Variants in PEG3 observed in about 807,000 individuals in gnomAD.
PEG3 encodes paternally expressed 3, also known as paternally-expressed gene 3 protein.
PEG3 carries 23 observed loss-of-function variants against 35.5 expected under a neutral mutation model. That is an observed-to-expected ratio of 0.65 (90% CI 0.47 to 0.92). PEG3 has a LOEUF of 0.92. Among genes scored for constraint, PEG3 ranks in the 40% least tolerant of loss-of-function variants. The pLI, the probability that PEG3 is intolerant of heterozygous loss-of-function variation, is 0.00. For synonymous variants in PEG3, 707 were observed against 697.0 expected (o/e 1.01, Z -0.23); for missense variants, 1,960 against 1,985.3 (o/e 0.99, Z 0.24).
Position 56,820,698 on chromosome 19 carries a change from ACT to A in PEG3, c.669+951_669+952del, listed in dbSNP as rs541317734. Among the ~76,000 whole-genome samples, 264 of 152,324 alleles carry A rather than the reference ACT, an allele frequency of 1.7e-3. 1 individual carries two copies. The highest frequency in any genetic ancestry group is 2.9e-3 in the South Asian group (14 of 4,820). ...AGGCCCTTGTTACAATTTCTTGTTA[ACT>A]CTCTATTTTTCCTTGAGGACACTGA... On this transcript the variant is annotated intron_variant, in intron 7 of 9. Coordinates refer to ENST00000326441, the MANE Select transcript of PEG3 (RefSeq NM_006210.3).
rs754420101 is a variant in PEG3 at position 56,815,666 on chromosome 19, T to C, written c.2776A>G (p.Ser926Gly). 3 of 1,614,194 alleles carry C rather than the reference T, an allele frequency of 1.9e-6. No individual in the cohort carries two copies. The highest frequency in any genetic ancestry group is 2.2e-5 in the South Asian group (2 of 91,080). Residue 926 changes from serine to glycine, a missense_variant, in exon 10 of 10, where the codon AGC (serine) becomes GGC (glycine). By Grantham distance (56) the Ser-to-Gly change is moderately conservative (BLOSUM62 0). This residue lies in a region of PEG3 where 798 missense variants were observed against 782.4 expected (regional missense o/e 1.02). Transcript: ENST00000326441. The stretch of plus-strand genomic sequence containing the variant: ...TTCTGGTATTCACGGACATTTGAGC[T>C]GGGAACAGAGAATTCGCCATCCTTC... ...FKKDGEFSVP[S>G]SNVREYQKAR...
rs778895175 is a variant in PEG3, at chr19:56,815,225, T to C, written c.3217A>G (p.Thr1073Ala). The C allele has an allele frequency of 3.7e-5, 60 of 1,613,926 alleles. No homozygotes were observed. The highest frequency in any genetic ancestry group is 4.7e-5 in the Non-Finnish European group (56 of 1,179,938). Residue 1073 changes from threonine to alanine, a missense_variant, in exon 10 of 10, where the codon ACC (threonine) becomes GCC (alanine). Around this residue, in one of 5 missense-constraint regions of PEG3, gnomAD observed 798 missense variants for 782.4 expected, o/e 1.02. Transcript: ENST00000326441. ...SQGENTDGEE[T>A]HSEETHGQET... ...TGACCATGGGTCTCCTCGCTGTGGG[T>C]CTCCTCCCCATCAGTATTCTCGCCT...
At chr19:56,833,335 G>A (rs569215838) in intron 2 of PEG3, 8 of 378,472 alleles carry the variant, frequency 2.1e-5, no homozygotes, top group East Asian at 7.2e-5. Flanking sequence ...GTCAGGAACC[G>A]AGGAGGTTAC....
chr19:56,824,049 C>T (rs535430069), intron 4 of PEG3, among the ~76,000 whole-genome samples: 2 of 152,226 alleles, frequency 1.3e-5, no homozygotes, highest in East Asian at 3.9e-4. Flanking sequence ...TTTTGGCGAC[C>T]AGGGGATACC....
chr19:56,822,495 AG>A (rs1016520032), intron 6 of PEG3: 40 of 329,656 alleles, frequency 1.2e-4, no homozygotes, highest in Middle Eastern at 1.5e-3. Flanking sequence ...AGAAACTTCC[AG>A]TTTTTTTTTT....
intron 1 of PEG3, 117 bp downstream of exon 1, chr19:56,840,465 C>T (rs374473845): frequency 2.0e-5 from 3 of 152,242 alleles, no homozygotes; most frequent in African/African-American, 4.8e-5. Flanking sequence ...CCACAAGGGT[C>T]GCTGGCTTGC....
At chr19:56,822,451 T>C (rs1325660349) in intron 6 of PEG3, 8 of 329,874 alleles carry the variant, frequency 2.4e-5, no homozygotes, top group South Asian at 2.0e-4. Flanking sequence ...TTCATACTAG[T>C]TTTCAATTTT....
At position 56,821,698 on chromosome 19, in the gene PEG3, C is replaced by A. The variant is rs773497711; in HGVS notation, c.622G>T (p.Asp208Tyr). ...PVVAKTSFEMDREDDRDSRAY... is the reference protein window; with the variant it reads ...PVVAKTSFEMYREDDRDSRAY... ...CTGGAGTCCCTGTCGTCCTCTCTGT[C>A]CATTTCAAAGCTTGTTTTCGCCACC... Residue 208 changes from aspartate to tyrosine, a missense_variant, in exon 7 of 10, where the codon GAC becomes TAC. By Grantham distance (160) the Asp-to-Tyr change is radical. Transcript: ENST00000326441. 2.5e-6 allele frequency: 4 copies of A among 1,613,954 alleles called. No individual in the cohort carries two copies. In the African/African-American group the frequency reaches 4.0e-5, roughly 16 times the overall value.
At chr19:56,818,566 G>A (rs1340030833) in intron 8 of PEG3, 34 bp downstream of exon 8, 1 of 1,610,354 alleles carries the variant, frequency 6.2e-7, no homozygotes, top group Non-Finnish European at 8.5e-7. Context: ...TCCAATGACT[G>A]GACTGGGAGT....
chr19:56,830,945 T>C (rs1384799645), intron 2 of PEG3, among the ~76,000 whole-genome samples: 6 of 150,834 alleles, frequency 4.0e-5, no homozygotes, highest in Admixed American at 4.0e-4. Context: ...TAAAAAACAA[T>C]AAAAAATAAA....
At chr19:56,822,539 T>G in intron 6 of PEG3, 2 of 512,326 alleles carry the variant, frequency 3.9e-6, no homozygotes, top group South Asian at 3.5e-5. Flanking sequence ...ACTGAGCAAA[T>G]AGTTTAGGTG....
At chr19:56,818,849 G>A in intron 7 of PEG3, 147 bp from the exon 8 acceptor site, 1 of 894,428 alleles carries the variant, frequency 1.1e-6, no homozygotes, top group Non-Finnish European at 1.7e-6. Context: ...CAAGTCAAGT[G>A]TTACTAGGGA....
rs1301840894 is a variant in PEG3, at chr19:56,812,771, C to G, written c.*904G>C. On this transcript the variant is annotated 3_prime_UTR_variant, in exon 10 of 10. Transcript: ENST00000326441. ...AAGATGTAAGATTTACAGGGAAAAG[C>G]TTCGGGTTTTATCAATTCACTATCA... is the stretch of plus-strand genomic sequence containing the variant. 1 of 983,052 alleles carries G rather than the reference C, an allele frequency of 1.0e-6. No individual in the cohort carries two copies. The highest frequency in any genetic ancestry group is 1.2e-6 in the Non-Finnish European group (1 of 828,826). 60.9% of individuals were successfully genotyped at this position (983,052 alleles called of 1,614,324 possible).
chr19:56,810,237 CT>C lies in PEG3; in HGVS notation c.*3437del. ...GGATGGTGAAAACATGGGTGAGTTT[CT>C]CTTCTACATTTCTGTAACTTCAAAG... On this transcript the variant is annotated 3_prime_UTR_variant, in exon 10 of 10. Coordinates refer to ENST00000326441, the MANE Select transcript of PEG3 (RefSeq NM_006210.3). 1 of 983,376 alleles carries C rather than the reference CT, an allele frequency of 1.0e-6. No individual in the cohort carries two copies. The allele number at this position is 983,376 out of a possible 1,614,324, so 60.9% of individuals were successfully genotyped here. A position where few individuals can be genotyped will look rare whatever the true frequency, so the allele number is the denominator to read the frequency against.
chr19:56,823,757 T>C (rs533264095), intron 4 of PEG3, 78 bp from the exon 5 acceptor site: 1 of 1,511,416 alleles, frequency 6.6e-7, no homozygotes, highest in African/African-American at 1.4e-5. Flanking sequence ...CTGAGCCGCA[T>C]CTCCCTGTCA....
intron 7 of PEG3, among the ~76,000 whole-genome samples, chr19:56,819,340 G>A (rs1458134493): frequency 6.6e-6 from 1 of 152,210 alleles, no homozygotes; most frequent in East Asian, 1.9e-4. Context: ...TAAGCCCTGA[G>A]GGCATTTTTA....
chr19:56,840,554 CG>C (rs1439092931), intron 1 of PEG3, 27 bp downstream of exon 1: 2 of 152,432 alleles, frequency 1.3e-5, no homozygotes, highest in African/African-American at 4.8e-5. Context: ...GGGCAGGAGG[CG>C]CGCGGGGCGG....
Position 56,813,803 on chromosome 19 carries a change from C to A in PEG3, c.4639G>T (p.Glu1547Ter). The change falls in exon 10 of 10, where the codon GAA (glutamate) becomes TAA (stop). Residue 1547 changes from glutamate to a stop codon, truncating the protein, a stop_gained. Transcript: ENST00000326441. LOFTEE classifies it low-confidence loss of function (END_TRUNC). Reference sequence around the variant, plus strand: ...CCACCTGTGCTGGTGCTGGCACGTTCGATGTAGCCTGAGCACTCCCCAAAG... The same window carrying A: ...CCACCTGTGCTGGTGCTGGCACGTTAGATGTAGCCTGAGCACTCCCCAAAG... The part of the protein sequence containing the change: ...NAFGECSGYI[E>*]RASTSTGGAN... The A allele has an allele frequency of 6.2e-7, 1 of 1,614,030 alleles. No individual in the cohort carries two copies. Among genetic ancestry groups the A allele is most frequent in the Non-Finnish European group, 8.5e-7 (1 of 1,180,004 alleles).
At position 56,818,654 on chromosome 19, in the gene PEG3, G is replaced by C. The variant is rs761756414; in HGVS notation, c.718C>G (p.Pro240Ala). The change falls in exon 8 of 10, where the codon CCT becomes GCT. Residue 240 changes from proline to alanine, a missense_variant. Pro to Ala is a conservative substitution (Grantham distance 27). Around this residue, in one of 5 missense-constraint regions of PEG3, gnomAD observed 613 missense variants for 577.1 expected, o/e 1.06. Transcript: ENST00000326441. The part of the protein sequence containing the change: ...NVVDLAEDRK[P>A]HNTIQDNMEN... ...ATGTTGTCCTGGATTGTGTTGTGAG[G>C]TTTCCTGTCCTCAGCGAGGTCCACC... 4.3e-6 allele frequency: 7 copies of C among 1,614,134 alleles called. No homozygotes were observed. Among genetic ancestry groups the C allele is most frequent in the Non-Finnish European group, 4.2e-6 (5 of 1,180,032 alleles).
Sources: allele counts gnomAD v4.1 joint callset (sites outside exome capture counted in the v4.1 genomes callset), GRCh38; gene constraint gnomAD v4.1.1; regional missense constraint gnomAD v4.1.1; transcripts MANE v1.5; gene names NCBI Gene and HGNC (gene_info 2026-07-23, HGNC 2026-07-21).